SKAP2: variants seen among roughly 807,000 people sequenced by gnomAD.
SKAP2 encodes the protein src kinase-associated phosphoprotein 2.
A neutral mutation model predicts 54.9 loss-of-function variants in SKAP2; 28 were observed. That is an observed-to-expected ratio of 0.51 (90% CI 0.38 to 0.70). The LOEUF (loss-of-function observed/expected upper bound fraction) is 0.70, where lower values mean the gene tolerates loss of function less well. SKAP2 is among the 30% of genes least tolerant of loss of function. The pLI is 0.00. For missense variants in SKAP2, 356 were observed against 424.1 expected (o/e 0.84, Z 1.41); for synonymous variants, 137 against 134.3 (o/e 1.02, Z -0.14).
intron 4 of SKAP2, among the ~76,000 whole-genome samples, chr7:26,796,722 C>T (rs1321546380): frequency 6.6e-6 from 1 of 152,170 alleles, no homozygotes; most frequent in Non-Finnish European, 1.5e-5. Flanking sequence ...ATTTCTCTAG[C>T]TTATTCTATT....
At chr7:26,786,042 C>T (rs1417412769) in intron 4 of SKAP2, among the ~76,000 whole-genome samples, 1 of 152,136 alleles carries the variant, frequency 6.6e-6, no homozygotes, top group Non-Finnish European at 1.5e-5. Flanking sequence ...ACCCCAAGAA[C>T]TGAACCTGTG....
At chr7:26,736,997 G>C (rs111859617) in intron 6 of SKAP2, among the ~76,000 whole-genome samples, 3 of 151,832 alleles carry the variant, frequency 2.0e-5, no homozygotes, top group African/African-American at 4.8e-5. Flanking sequence ...ATATTAACAC[G>C]CTTTGGGTTT....
intron 4 of SKAP2, among the ~76,000 whole-genome samples, chr7:26,788,054 C>T (rs1783595502): frequency 6.6e-6 from 1 of 152,112 alleles, no homozygotes; most frequent in African/African-American, 2.4e-5. Context: ...TCTTTTCAAA[C>T]TCCCACAACC....
intron 11 of SKAP2, among the ~76,000 whole-genome samples, chr7:26,680,810 T>A (rs1786473380): frequency 6.6e-6 from 1 of 152,164 alleles, no homozygotes; most frequent in Non-Finnish European, 1.5e-5. Flanking sequence ...GGAGGGGCTA[T>A]CTCAGCCAGG....
chr7:26,850,401 G>A (rs1026631757), intron 3 of SKAP2, among the ~76,000 whole-genome samples: 6 of 151,772 alleles, frequency 4.0e-5, no homozygotes, highest in South Asian at 2.1e-4. Context: ...GCAACATGGC[G>A]AAAACCCATC....
At chr7:26,839,563 G>A (rs888034907) in intron 4 of SKAP2, among the ~76,000 whole-genome samples, 2 of 151,712 alleles carry the variant, frequency 1.3e-5, no homozygotes, top group African/African-American at 4.8e-5. Context: ...TATGATAGTG[G>A]GTTAAAAACA....
At chr7:26,746,634 T>TTA (rs1554297861) in intron 4 of SKAP2, 1 of 151,290 alleles carries the variant, frequency 6.6e-6, no homozygotes, top group Non-Finnish European at 1.5e-5. Flanking sequence ...TTTTTTTTTT[T>TTA]TACCTTAAAC....
At chr7:26,731,622 A>C (rs1787826012) in intron 6 of SKAP2, among the ~76,000 whole-genome samples, 1 of 152,146 alleles carries the variant, frequency 6.6e-6, no homozygotes, top group African/African-American at 2.4e-5. Flanking sequence ...TCATTTCTCA[A>C]ATGTCCTATA....
intron 4 of SKAP2, among the ~76,000 whole-genome samples, chr7:26,795,162 G>T (rs1783748492): frequency 6.6e-6 from 1 of 152,236 alleles, no homozygotes; most frequent in Non-Finnish European, 1.5e-5. Context: ...CACAGTATTT[G>T]CTTCAGTTTA....
intron 1 of SKAP2, chr7:26,857,416 G>A: frequency 1.0e-6 from 1 of 974,952 alleles, no homozygotes; most frequent in East Asian, 1.2e-4. Flanking sequence ...TTAAGCTTTT[G>A]AAATCTAGGT....
chr7:26,672,814 A>G (rs1048260611), intron 11 of SKAP2, among the ~76,000 whole-genome samples: 1 of 152,008 alleles, frequency 6.6e-6, no homozygotes, highest in African/African-American at 2.4e-5. Flanking sequence ...ATGAATCCCA[A>G]TTAAACCATT....
intron 4 of SKAP2, among the ~76,000 whole-genome samples, chr7:26,749,602 C>T (rs1032202984): frequency 6.6e-6 from 1 of 151,718 alleles, no homozygotes; most frequent in Non-Finnish European, 1.5e-5. Flanking sequence ...GTATTAATTA[C>T]CCAGGCATGG....
At chr7:26,704,165 G>A (rs1227948091) in intron 9 of SKAP2, among the ~76,000 whole-genome samples, 1 of 152,172 alleles carries the variant, frequency 6.6e-6, no homozygotes, top group Non-Finnish European at 1.5e-5. Context: ...AGTGTACACT[G>A]CTGAAAAAAC....
At chr7:26,750,939 C>T (rs1444576345) in intron 4 of SKAP2, among the ~76,000 whole-genome samples, 1 of 152,018 alleles carries the variant, frequency 6.6e-6, no homozygotes, top group East Asian at 1.9e-4. Flanking sequence ...TTTGCAACAG[C>T]TTTATGTTGT....
At chr7:26,844,888 G>A (rs1584423104) in intron 3 of SKAP2, among the ~76,000 whole-genome samples, 2 of 151,896 alleles carry the variant, frequency 1.3e-5, no homozygotes, top group African/African-American at 4.8e-5. Context: ...TCGATTTTTT[G>A]ATTGACTTTT....
intron 9 of SKAP2, among the ~76,000 whole-genome samples, chr7:26,719,478 T>C (rs556556483): frequency 2.0e-4 from 30 of 152,292 alleles, no homozygotes; most frequent in Admixed American, 1.6e-3. Context: ...CAGCCTTGCA[T>C]TCCCCCAGGA....
intron 3 of SKAP2, among the ~76,000 whole-genome samples, chr7:26,851,339 G>A (rs1369727640): frequency 6.6e-6 from 1 of 151,574 alleles, no homozygotes; most frequent in Non-Finnish European, 1.5e-5. Flanking sequence ...ATCTACTCCA[G>A]AGGCTGAGGT....
At chr7:26,671,666 G>A (rs1030790572) in intron 11 of SKAP2, among the ~76,000 whole-genome samples, 1 of 151,986 alleles carries the variant, frequency 6.6e-6, no homozygotes, top group African/African-American at 2.4e-5. Flanking sequence ...TCTGGCTTGT[G>A]AGGCAGTAAA....
intron 3 of SKAP2, among the ~76,000 whole-genome samples, chr7:26,845,453 T>C (rs1434963046): frequency 6.6e-6 from 1 of 152,238 alleles, no homozygotes; most frequent in Non-Finnish European, 1.5e-5. Context: ...GAGATGGCTA[T>C]ATTGTCATCC....
Sources: gnomAD v4.1 joint callset for allele counts (sites outside exome capture counted in the v4.1 genomes callset) on GRCh38, gnomAD v4.1.1 for gene constraint, MANE v1.5 for transcripts, NCBI Gene and HGNC (gene_info 2026-07-23, HGNC 2026-07-21) for gene names.